Variants in NHSL2 observed in about 807,000 individuals in gnomAD.
NHSL2 encodes NHS like 2, also known as NHS-like protein 2.
NHSL2 carries 27 observed loss-of-function variants against 53.4 expected under a neutral mutation model. The observed-to-expected ratio is 0.51, with a 90% CI of 0.37 to 0.70. NHSL2 has a LOEUF of 0.70. NHSL2 is among the 30% of genes least tolerant of loss of function. The pLI, the probability that NHSL2 is intolerant of heterozygous loss-of-function variation, is 0.00. For missense variants in NHSL2, 892 were observed against 980.1 expected (o/e 0.91, Z 1.20); for synonymous variants, 408 against 404.1 (o/e 1.01, Z -0.12).
intron 1 of NHSL2, among the ~76,000 whole-genome samples, chrX:72,014,191 G>A (rs2042126772): frequency 1.8e-5 from 2 of 112,059 alleles, no homozygotes; most frequent in African/African-American, 6.5e-5. Flanking sequence ...CAATTTGTAT[G>A]TCTTGCTAGA....
At chrX:72,039,159 T>TTTCCTTTC (rs2042259992) in intron 1 of NHSL2, among the ~76,000 whole-genome samples, 1 of 105,441 alleles carries the variant, frequency 9.5e-6, no homozygotes, top group Non-Finnish European at 1.9e-5. Flanking sequence ...TCCTTGTCTC[T>TTTCCTTTC]CTTTATTTCA....
At chrX:72,029,063 G>A in intron 1 of NHSL2, among the ~76,000 whole-genome samples, 1 of 111,590 alleles carries the variant, frequency 9.0e-6, no homozygotes, top group East Asian at 2.8e-4. Context: ...GGAAAGCTTA[G>A]GCATGGCATA....
chrX:72,034,484 G>A (rs1054154846), intron 1 of NHSL2, among the ~76,000 whole-genome samples: 2 of 111,707 alleles, frequency 1.8e-5, no homozygotes, highest in African/African-American at 6.5e-5. Context: ...TTTTCTGTAA[G>A]AGACTGTGTA....
At chrX:71,947,314 G>T (rs1046919516) in intron 1 of NHSL2, among the ~76,000 whole-genome samples, 2 of 111,859 alleles carry the variant, frequency 1.8e-5, no homozygotes, top group Non-Finnish European at 3.8e-5. Context: ...AACGTCCTTG[G>T]GCCATGGGCC....
At chrX:71,913,374 G>C (rs2147806428) in intron 1 of NHSL2, among the ~76,000 whole-genome samples, 1 of 112,178 alleles carries the variant, frequency 8.9e-6, no homozygotes, top group Non-Finnish European at 1.9e-5. Context: ...GAGTTGGGGA[G>C]CGTAATCAGT....
intron 1 of NHSL2, among the ~76,000 whole-genome samples, chrX:72,070,761 A>G (rs1369151604): frequency 9.4e-6 from 1 of 106,472 alleles, no homozygotes; most frequent in Non-Finnish European, 1.9e-5. Context: ...CCACACACAC[A>G]CACACCCTTC....
intron 1 of NHSL2, among the ~76,000 whole-genome samples, chrX:72,019,965 T>C (rs1441353366): frequency 8.9e-6 from 1 of 111,805 alleles, no homozygotes; most frequent in Non-Finnish European, 1.9e-5. Flanking sequence ...AGGCACCCCT[T>C]CTCCATCTGC....
intron 1 of NHSL2, among the ~76,000 whole-genome samples, chrX:72,012,835 T>C (rs184224582): frequency 8.9e-6 from 1 of 112,078 alleles, no homozygotes; most frequent in East Asian, 2.8e-4. Flanking sequence ...TTGTTGAAAA[T>C]CAGTGGGGCA....
In NHSL2 at chrX:71,913,403, C is replaced by T. The variant is rs188206742; in HGVS notation, c.280+2036C>T. 1.4e-4 allele frequency among the ~76,000 whole-genome samples: 16 copies of T among 112,055 alleles called. No homozygotes were observed. The East Asian group carries it at 4.2e-3, about 29-fold the overall frequency. ...AATCAGTGCACCATCTGGCCACTCC[C>T]TTGTCGCTCAGGCATAAGCTTCAAC... On this transcript the variant is annotated intron_variant, in intron 1 of 7. Transcript: ENST00000633930.
chrX:72,014,171 C>A (rs1294590448), intron 1 of NHSL2, among the ~76,000 whole-genome samples: 1 of 112,042 alleles, frequency 8.9e-6, no homozygotes, highest in African/African-American at 3.2e-5. Context: ...CATTTCCTTC[C>A]TGATATGAGC....
intron 1 of NHSL2, among the ~76,000 whole-genome samples, chrX:72,118,715 C>T (rs1042620256): frequency 2.7e-5 from 3 of 112,105 alleles, no homozygotes; most frequent in Non-Finnish European, 3.8e-5. Context: ...CATGAGCCAC[C>T]GTGCCTGGTT....
At chrX:71,975,845 A>C (rs747591340) in intron 1 of NHSL2, among the ~76,000 whole-genome samples, 2 of 111,823 alleles carry the variant, frequency 1.8e-5, no homozygotes, top group Non-Finnish European at 3.8e-5. Flanking sequence ...GTGCTGCCAG[A>C]ACCTATAGGT....
intron 1 of NHSL2, among the ~76,000 whole-genome samples, chrX:71,956,116 A>C (rs149546550): frequency 0.022 from 2,462 of 111,828 alleles, 46 homozygotes; most frequent in Non-Finnish European, 0.038. Flanking sequence ...CATTAGACTC[A>C]GACCCTGCTC....
chrX:72,091,139 G>A (rs2041893628), intron 1 of NHSL2, among the ~76,000 whole-genome samples: 1 of 112,161 alleles, frequency 8.9e-6, no homozygotes, highest in Admixed American at 9.4e-5. Flanking sequence ...ATTGTTGGGT[G>A]AACAGGAATG....
intron 1 of NHSL2, among the ~76,000 whole-genome samples, chrX:71,956,273 T>A (rs1475844709): frequency 1.8e-5 from 2 of 112,484 alleles, no homozygotes; most frequent in East Asian, 5.5e-4. Context: ...ATCAAGATAA[T>A]GAATATTTCC....
intron 1 of NHSL2, among the ~76,000 whole-genome samples, chrX:71,950,688 A>G (rs1186193796): frequency 8.9e-6 from 1 of 112,019 alleles, no homozygotes; most frequent in Non-Finnish European, 1.9e-5. Flanking sequence ...CACTTGTGAC[A>G]TGGTGGGTCT....
At chrX:72,054,757 A>G (rs1317888894) in intron 1 of NHSL2, among the ~76,000 whole-genome samples, 1 of 111,119 alleles carries the variant, frequency 9.0e-6, no homozygotes, top group Non-Finnish European at 1.9e-5. Context: ...GACCAAATAA[A>G]TACTCATCTA....
At chrX:72,030,862 A>G (rs912636834) in intron 1 of NHSL2, among the ~76,000 whole-genome samples, 1 of 112,197 alleles carries the variant, frequency 8.9e-6, no homozygotes, top group Non-Finnish European at 1.9e-5. Flanking sequence ...GTAACAAAGG[A>G]TTAAAGAGAG....
At chrX:72,076,068 A>G (rs2041739837) in intron 1 of NHSL2, among the ~76,000 whole-genome samples, 1 of 110,415 alleles carries the variant, frequency 9.1e-6, no homozygotes, top group Non-Finnish European at 1.9e-5. Context: ...CAAGTAGCTG[A>G]GATTACAGGC....
Sources: allele counts gnomAD v4.1 joint callset (sites outside exome capture counted in the v4.1 genomes callset), GRCh38; gene constraint gnomAD v4.1.1; transcripts MANE v1.5; gene names NCBI Gene and HGNC (gene_info 2026-07-23, HGNC 2026-07-21).